Variants in TG observed in about 807,000 individuals in gnomAD.
The protein encoded by TG is thyroid hormones.
TG carries 270 observed loss-of-function variants against 324.7 expected under a neutral mutation model. That is an observed-to-expected ratio of 0.83 (90% confidence interval 0.75 to 0.92). The LOEUF is 0.92. Ranked by LOEUF, TG falls within the 40% of genes least tolerant of loss-of-function variation. The probability of loss-of-function intolerance (pLI) is 0.00; values close to 1 mark genes in which losing one functional copy is unlikely to be tolerated. For missense variants in TG, 3,591 were observed against 3,456.4 expected (o/e 1.04, Z -0.98); for synonymous variants, 1,401 against 1,327.0 (o/e 1.06, Z -1.21).
At chr8:133,108,604 A>G (rs1413079424) in intron 43 of TG, among the ~76,000 whole-genome samples, 1 of 152,254 alleles carries the variant, frequency 6.6e-6, no homozygotes, top group East Asian at 1.9e-4. Context: ...CATACAGCTA[A>G]GAAGTCGCAC....
At chr8:133,087,920 T>G (rs1183717960) in intron 41 of TG, 1 of 152,244 alleles carries the variant, frequency 6.6e-6, no homozygotes, top group Non-Finnish European at 1.5e-5. Context: ...CACCTGCTAC[T>G]GGCAGGATTT....
rs374725321 is a variant in TG, at chr8:132,901,459, A to T, written c.3540A>T (p.Gln1180His). 1.2e-6 allele frequency: 2 copies of T among 1,614,196 alleles called. No individual in the cohort carries two copies. Among genetic ancestry groups the T allele is most frequent in the Non-Finnish European group, 1.7e-6 (2 of 1,180,036 alleles). Residue 1180 changes from glutamine to histidine, a missense_variant, in exon 16 of 48, where the codon CAA (glutamine) becomes CAT (histidine). Coordinates refer to ENST00000220616, the MANE Select transcript of TG (RefSeq NM_003235.5). ...RAEDGGFSPV[Q>H]CDQAQGSCWC... The stretch of plus-strand genomic sequence containing the variant: ...AGGATGGGGGCTTTTCCCCAGTGCA[A>T]TGTGACCAGGCCCAGGGCAGCTGCT...
chr8:133,123,829 C>T (rs549953201), intron 45 of TG, among the ~76,000 whole-genome samples: 2 of 152,334 alleles, frequency 1.3e-5, no homozygotes, highest in South Asian at 4.1e-4. Context: ...TTCTATGTGC[C>T]TCTTTAAGAG....
At chr8:132,966,841 T>C (rs1406036209) in intron 30 of TG, 144 bp downstream of exon 30, 2 of 1,007,380 alleles carry the variant, frequency 2.0e-6, no homozygotes, top group East Asian at 4.9e-5. Flanking sequence ...AAAAGAAAGA[T>C]AGCACATAAC....
intron 43 of TG, among the ~76,000 whole-genome samples, chr8:133,096,841 C>T (rs1206275290): frequency 6.6e-6 from 1 of 152,224 alleles, no homozygotes; most frequent in Admixed American, 6.5e-5. Context: ...ACGCACAATG[C>T]ACCTGGCAAA....
intron 47 of TG, 106 bp downstream of exon 47, chr8:133,133,766 A>T: frequency 7.8e-7 from 1 of 1,284,422 alleles, no homozygotes; most frequent in Non-Finnish European, 1.1e-6. Flanking sequence ...CCAAGGGGTC[A>T]CCAGTGCCAA....
intron 34 of TG, among the ~76,000 whole-genome samples, chr8:132,974,665 C>T (rs1361881550): frequency 6.6e-6 from 1 of 152,150 alleles, no homozygotes; most frequent in Non-Finnish European, 1.5e-5. Context: ...CTGACCTTCC[C>T]CCAACTCAAT....
At chr8:132,919,742 G>C (rs1820856486) in intron 21 of TG, among the ~76,000 whole-genome samples, 1 of 152,190 alleles carries the variant, frequency 6.6e-6, no homozygotes, top group Admixed American at 6.5e-5. Flanking sequence ...TCCAGACATT[G>C]CCAAATGTCT....
intron 27 of TG, 57 bp downstream of exon 27, chr8:132,949,000 C>A: frequency 1.3e-6 from 2 of 1,515,452 alleles, no homozygotes; most frequent in Non-Finnish European, 1.8e-6. Flanking sequence ...ACGAGCAAGG[C>A]CCTCTGCTAC....
Position 132,956,450 on chromosome 8 carries a change from G to C in TG, c.5402-4558G>C, listed in dbSNP as rs548965663. ...TGAATACTGCAAACTCAGAGGACGG[G>C]GGTGTGTGACCAGCTGGAGAGCTCA... is the stretch of plus-strand genomic sequence containing the variant. On this transcript the variant is annotated intron_variant, in intron 27 of 47. Coordinates refer to ENST00000220616, the MANE Select transcript of TG (RefSeq NM_003235.5). Among the ~76,000 whole-genome samples, 6 of 152,310 alleles carry C rather than the reference G, an allele frequency of 3.9e-5. No individual in the cohort carries two copies. In the South Asian group the frequency reaches 1.0e-3, roughly 26 times the overall value.
In TG at chr8:133,022,123, G is replaced by A. The variant is rs1835621639; in HGVS notation, c.7009G>A (p.Val2337Met). Residue 2337 changes from valine to methionine, a missense_variant, in exon 40 of 48, where the codon GTG becomes ATG. Transcript: ENST00000220616. ...CATCGTGGTCACTGCCAGCTACCGA[G>A]TGGGTGTCTTCGGCTTCCTGAGTTC... ...NLIVVTASYR[V>M]GVFGFLSSGS... 2 of 1,614,056 alleles carry A rather than the reference G, an allele frequency of 1.2e-6. No homozygotes were observed. Among genetic ancestry groups the A allele is most frequent in the African/African-American group, 2.7e-5 (2 of 74,928 alleles).
At chr8:132,935,020 C>A (rs1460036160) in intron 24 of TG, among the ~76,000 whole-genome samples, 1 of 152,036 alleles carries the variant, frequency 6.6e-6, no homozygotes, top group East Asian at 1.9e-4. Context: ...AACTGACAGT[C>A]CAAAAATTAC....
intron 39 of TG, among the ~76,000 whole-genome samples, chr8:133,020,230 CAG>C (rs1564080066): frequency 6.6e-6 from 1 of 152,188 alleles, no homozygotes; most frequent in African/African-American, 2.4e-5. Flanking sequence ...TTCCCAGTAA[CAG>C]AGAGTTTGGC....
intron 41 of TG, among the ~76,000 whole-genome samples, chr8:133,040,758 G>A (rs981145761): frequency 1.3e-5 from 2 of 152,076 alleles, no homozygotes; most frequent in East Asian, 3.9e-4. Flanking sequence ...GGAAGAGGAG[G>A]AGGTGAAAAT....
chr8:133,012,791 C>T (rs1249018849), intron 36 of TG, among the ~76,000 whole-genome samples: 3 of 152,196 alleles, frequency 2.0e-5, no homozygotes, highest in Admixed American at 2.0e-4. Context: ...TGGGTGGTAC[C>T]ATTCACAGAA....
At chr8:133,083,916 C>A (rs1439984260) in intron 41 of TG, among the ~76,000 whole-genome samples, 1 of 152,184 alleles carries the variant, frequency 6.6e-6, no homozygotes, top group Non-Finnish European at 1.5e-5. Context: ...GCTCCCCTCT[C>A]TCTGCATGGA....
chr8:132,963,854 A>G (rs1828132632), intron 29 of TG, among the ~76,000 whole-genome samples: 1 of 152,170 alleles, frequency 6.6e-6, no homozygotes, highest in Non-Finnish European at 1.5e-5. Context: ...TACAGAGCAG[A>G]TACTAGAGCT....
chr8:132,868,212 TG>T lies in TG; in HGVS notation c.167del (p.Gly56AlafsTer50). The part of the protein sequence containing the change: ...ADYVPQCAED[G>X]SFQTVQCQND... Reference sequence around the variant, plus strand: ...ACTACGTGCCCCAGTGTGCAGAGGATGGCAGCTTCCAGTAAGGCTTATGTCA... The same window carrying T: ...ACTACGTGCCCCAGTGTGCAGAGGATGCAGCTTCCAGTAAGGCTTATGTCA... On this transcript the variant is annotated frameshift_variant, in exon 2 of 48. Transcript: ENST00000220616. LOFTEE classifies it high-confidence loss of function. 6.2e-7 allele frequency: 1 copy of T among 1,614,132 alleles called. No homozygotes were observed. Among genetic ancestry groups the T allele is most frequent in the Non-Finnish European group, 8.5e-7 (1 of 1,180,032 alleles).
intron 41 of TG, among the ~76,000 whole-genome samples, chr8:133,063,154 A>G (rs953501943): frequency 6.6e-6 from 1 of 151,176 alleles, no homozygotes; most frequent in Non-Finnish European, 1.5e-5. Context: ...AACTGTCCCA[A>G]CAATGCCTTC....
Sources: allele counts gnomAD v4.1 joint callset (sites outside exome capture counted in the v4.1 genomes callset), GRCh38; gene constraint gnomAD v4.1.1; transcripts MANE v1.5; gene names NCBI Gene and HGNC (gene_info 2026-07-23, HGNC 2026-07-21).